The following TNS1 variants were observed in gnomAD, a reference collection of about 807,000 sequenced individuals.
TNS1 encodes tensin-1.
In TNS1, 62 loss-of-function variants were observed where a neutral mutation model predicts 168.6. The observed-to-expected ratio is 0.37, with a 90% CI of 0.30 to 0.45. The LOEUF (loss-of-function observed/expected upper bound fraction) is 0.45. Among genes scored for constraint, TNS1 ranks in the 20% least tolerant of loss-of-function variants. The probability of loss-of-function intolerance (pLI) is 1.00; values close to 1 mark genes in which losing one functional copy is unlikely to be tolerated. For synonymous variants in TNS1, 934 were observed against 933.2 expected (o/e 1.00, Z -0.02); for missense variants, 2,240 against 2,339.4 (o/e 0.96, Z 0.88).
intron 3 of TNS1, among the ~76,000 whole-genome samples, chr2:217,940,869 T>A (rs571285671): frequency 2.6e-5 from 4 of 152,080 alleles, no homozygotes; most frequent in Non-Finnish European, 5.9e-5. Flanking sequence ...CCTGTTTGGT[T>A]TGGGGAAAGC....
At chr2:217,953,154 G>A (rs1176913725) in intron 3 of TNS1, among the ~76,000 whole-genome samples, 1 of 152,174 alleles carries the variant, frequency 6.6e-6, no homozygotes, top group Admixed American at 6.5e-5. Context: ...GGGCCCCTGG[G>A]GCAGTGAGGG....
At chr2:217,852,454 G>T (rs1011347164) in intron 18 of TNS1, among the ~76,000 whole-genome samples, 1 of 152,194 alleles carries the variant, frequency 6.6e-6, no homozygotes, top group Admixed American at 6.5e-5. Flanking sequence ...TCTGAGAAGT[G>T]GGGAGCTGCA....
chr2:217,835,555 T>C (rs1435321385), intron 20 of TNS1, among the ~76,000 whole-genome samples: 4 of 152,196 alleles, frequency 2.6e-5, no homozygotes, highest in South Asian at 4.1e-4. Context: ...AAGCTCCCCA[T>C]TGGTTGTTAC....
chr2:218,029,541 G>A (rs1297377118), intron 1 of TNS1, among the ~76,000 whole-genome samples: 1 of 152,238 alleles, frequency 6.6e-6, no homozygotes, highest in East Asian at 1.9e-4. Flanking sequence ...TAAATGGACA[G>A]CGTGTCTTCA....
intron 31 of TNS1, among the ~76,000 whole-genome samples, 197 bp downstream of exon 31, chr2:217,808,406 G>T (rs1939653800): frequency 6.6e-6 from 1 of 152,092 alleles, no homozygotes; most frequent in Admixed American, 6.5e-5. Flanking sequence ...TGAGTCCCTG[G>T]GAGGGTCTCC....
intron 18 of TNS1, chr2:217,849,652 G>A (rs930691833): frequency 7.1e-6 from 7 of 985,098 alleles, no homozygotes; most frequent in Non-Finnish European, 8.4e-6. Context: ...AGTCCCCTCC[G>A]CCACCCCATC....
Position 217,848,630 on chromosome 2 carries a change from T to A in TNS1, c.1887A>T (p.Glu629Asp), listed in dbSNP as rs1406345149. The change falls in exon 19 of 33, where the codon GAA becomes GAT. Residue 629 changes from glutamate to aspartate, a missense_variant. Coordinates refer to ENST00000682258, the MANE Select transcript of TNS1 (RefSeq NM_001387777.1). ...CACTGTGACCATCCTGGTTTGGCAA[T>A]TCATCGTCCAGGATGTCTGTCTCCC... ...SERETDILDD[E>D]LPNQDGHSAG... The A allele has an allele frequency of 6.2e-7, 1 of 1,614,034 alleles. No homozygotes were observed. The highest frequency in any genetic ancestry group is 1.3e-5 in the African/African-American group (1 of 74,918).
intron 3 of TNS1, among the ~76,000 whole-genome samples, chr2:217,923,077 G>A (rs774920384): frequency 6.6e-6 from 1 of 152,224 alleles, no homozygotes; most frequent in Non-Finnish European, 1.5e-5. Context: ...CCCATGCCCT[G>A]TGGCCCCACA....
Position 217,859,780 on chromosome 2 carries a change from G to T in TNS1, c.1430-10693C>A. The T allele has an allele frequency of 2.6e-6, 3 of 1,167,616 alleles. No individual in the cohort carries two copies. In the South Asian group the frequency reaches 4.1e-5, roughly 16 times the overall value. 72.3% of individuals were successfully genotyped at this position (1,167,616 alleles called of 1,614,324 possible). Reference sequence around the variant, plus strand: ...CCCTCGTTCCCAACCACCCAGATCCGAGAGCCATGCAGCTGAAAGGCAGGT... The same window carrying T: ...CCCTCGTTCCCAACCACCCAGATCCTAGAGCCATGCAGCTGAAAGGCAGGT... On this transcript the variant is annotated intron_variant, in intron 18 of 32. Transcript: ENST00000682258.
chr2:217,809,260 GATGGATGGATGGATGGATGC>G (rs1559139796), intron 30 of TNS1, among the ~76,000 whole-genome samples: 3 of 83,908 alleles, frequency 3.6e-5, no homozygotes, highest in African/African-American at 6.1e-5. Flanking sequence ...TGCATGGATG[GATGGATGGATGGATGGATGC>G]ATGGATGGAT....
intron 3 of TNS1, among the ~76,000 whole-genome samples, chr2:217,922,797 G>A (rs1037682771): frequency 1.9e-4 from 29 of 152,190 alleles, no homozygotes; most frequent in African/African-American, 6.5e-4. Context: ...CCCAGCCCAA[G>A]GGCCTGATGC....
intron 3 of TNS1, among the ~76,000 whole-genome samples, chr2:217,928,408 G>C (rs888136870): frequency 6.6e-6 from 1 of 152,192 alleles, no homozygotes; most frequent in African/African-American, 2.4e-5. Flanking sequence ...GCCTCTCCAG[G>C]CTCCCTGGCC....
chr2:217,941,264 C>G (rs976181898), intron 3 of TNS1, among the ~76,000 whole-genome samples: 1 of 152,226 alleles, frequency 6.6e-6, no homozygotes, highest in African/African-American at 2.4e-5. Flanking sequence ...TGCACACCAG[C>G]CCCAGAGCCC....
chr2:217,825,301 G>A (rs1943452409), intron 22 of TNS1, among the ~76,000 whole-genome samples: 1 of 152,070 alleles, frequency 6.6e-6, no homozygotes, highest in Non-Finnish European at 1.5e-5. Flanking sequence ...GGTGCCAGTG[G>A]CTACATCCCC....
chr2:217,974,623 A>G (rs1957850101), intron 3 of TNS1, among the ~76,000 whole-genome samples: 1 of 152,214 alleles, frequency 6.6e-6, no homozygotes, highest in African/African-American at 2.4e-5. Flanking sequence ...AGCACGTCCA[A>G]GTGGCAGAGA....
At chr2:217,977,124 C>T (rs1201031246) in intron 3 of TNS1, among the ~76,000 whole-genome samples, 3 of 152,124 alleles carry the variant, frequency 2.0e-5, no homozygotes, top group Non-Finnish European at 4.4e-5. Context: ...ATGTCCATTG[C>T]TATTAAAAGA....
At chr2:218,006,930 G>A (rs951218596), upstream of TNS1, among the ~76,000 whole-genome samples, 6 of 152,182 alleles carry the variant, frequency 3.9e-5, no homozygotes, top group Non-Finnish European at 7.3e-5. Context: ...CAGCCACACT[G>A]CGTCAAGAAA....
At chr2:217,979,910 C>G (rs915024827) in intron 2 of TNS1, among the ~76,000 whole-genome samples, 1 of 152,154 alleles carries the variant, frequency 6.6e-6, no homozygotes, top group African/African-American at 2.4e-5. Flanking sequence ...CACCCCACCC[C>G]CTTCCAGCTT....
chr2:217,867,688 T>C (rs542477773), intron 18 of TNS1, among the ~76,000 whole-genome samples: 15 of 152,346 alleles, frequency 9.8e-5, no homozygotes, highest in African/African-American at 3.1e-4. Context: ...CACTGTCCTC[T>C]TCCCGGCTTC....
Sources: allele counts gnomAD v4.1 joint callset (sites outside exome capture counted in the v4.1 genomes callset), GRCh38; gene constraint gnomAD v4.1.1; transcripts MANE v1.5; gene names NCBI Gene and HGNC (gene_info 2026-07-23, HGNC 2026-07-21).